Variants in ARHGAP5 observed in about 807,000 individuals in gnomAD.
ARHGAP5 encodes rho GTPase-activating protein 5.
Under a neutral mutation model 116.6 loss-of-function variants are expected in ARHGAP5, and 23 were observed. The observed-to-expected ratio is 0.20, with a 90% CI of 0.14 to 0.28. The LOEUF is 0.28. Ranked by LOEUF, ARHGAP5 falls within the 10% of genes least tolerant of loss-of-function variation. The probability of loss-of-function intolerance (pLI) is 1.00; values close to 1 mark genes in which losing one functional copy is unlikely to be tolerated. For synonymous variants in ARHGAP5, 574 were observed against 602.0 expected (o/e 0.95, Z 0.68); for missense variants, 1,405 against 1,774.8 (o/e 0.79, Z 3.74).
rs1311100397 is a variant in ARHGAP5 at position 32,094,038 on chromosome 14, C to T, written c.3369C>T (p.Asn1123=). The T allele has an allele frequency of 1.2e-6, 2 of 1,613,270 alleles. No homozygotes were observed. The change falls in exon 2 of 7, where the codon AAC becomes AAT. Residue 1123 remains asparagine (N), a synonymous_variant. Coordinates refer to ENST00000345122, the MANE Select transcript of ARHGAP5 (RefSeq NM_001030055.2). ...DDSQNRIKIR[N]SFVNNTQGDE... ...GTCAAAATCGTATTAAAATTCGAAACTCATTTGTAAATAACACCCAAGGAG... is the reference window on the plus strand; with the variant it reads ...GTCAAAATCGTATTAAAATTCGAAATTCATTTGTAAATAACACCCAAGGAG...
At chr14:32,108,898 G>T (rs1041828485) in intron 2 of ARHGAP5, among the ~76,000 whole-genome samples, 5 of 152,044 alleles carry the variant, frequency 3.3e-5, no homozygotes, top group Admixed American at 1.3e-4. Context: ...TCAACATTCA[G>T]TGCTTATTCT....
Position 32,133,960 on chromosome 14 carries a change from T to G in ARHGAP5, c.3866-12303T>G, listed in dbSNP as rs574839729. ...CAATAGAAAAAGAGGGAATCCTCCC[T>G]AACTCATTTTATGAGGCCAGCTTCA... On this transcript the variant is annotated intron_variant, in intron 3 of 6. Coordinates refer to ENST00000345122, the MANE Select transcript of ARHGAP5 (RefSeq NM_001030055.2). Among the ~76,000 whole-genome samples the G allele has an allele frequency of 5.3e-5, 8 of 152,282 alleles. No homozygotes were observed. In the South Asian group the frequency reaches 1.7e-3, roughly 32 times the overall value.
intron 6 of ARHGAP5, chr14:32,154,114 C>T (rs1361923478): frequency 6.5e-6 from 1 of 154,586 alleles, no homozygotes; most frequent in Non-Finnish European, 1.4e-5. Context: ...AAACTCAATA[C>T]AATTTGTCAC....
intron 2 of ARHGAP5, among the ~76,000 whole-genome samples, chr14:32,104,277 A>G (rs1878911782): frequency 6.6e-6 from 1 of 152,194 alleles, no homozygotes; most frequent in South Asian, 2.1e-4. Flanking sequence ...TGTTAATGGC[A>G]TTAATAAAAT....
chr14:32,114,115 C>T (rs1156592767), intron 2 of ARHGAP5, among the ~76,000 whole-genome samples: 1 of 152,062 alleles, frequency 6.6e-6, no homozygotes, highest in Non-Finnish European at 1.5e-5. Context: ...GTAGTCCCAG[C>T]TACTCGGGAG....
intron 3 of ARHGAP5, among the ~76,000 whole-genome samples, chr14:32,135,457 C>T (rs1566679644): frequency 6.6e-6 from 1 of 152,216 alleles, no homozygotes; most frequent in Non-Finnish European, 1.5e-5. Context: ...GAGTCTCCCT[C>T]TGTTGCCCAG....
chr14:32,123,657 ATGT>A (rs1880002064), intron 3 of ARHGAP5, among the ~76,000 whole-genome samples: 1 of 151,890 alleles, frequency 6.6e-6, no homozygotes, highest in African/African-American at 2.4e-5. Context: ...TTATTGGATG[ATGT>A]TATTAGTGTT....
chr14:32,154,481 G>T, intron 6 of ARHGAP5, 140 bp from the exon 7 acceptor site: 1 of 763,578 alleles, frequency 1.3e-6, no homozygotes, highest in Non-Finnish European at 2.1e-6. Flanking sequence ...AATTAAAGAT[G>T]CTTCTTTATG....
intron 3 of ARHGAP5, 52 bp from the exon 4 acceptor site, chr14:32,146,211 G>T (rs370467477): frequency 3.7e-5 from 50 of 1,341,066 alleles, no homozygotes; most frequent in Non-Finnish European, 4.8e-5. Flanking sequence ...GTGCCCAGCC[G>T]TGTGGATATA....
intron 2 of ARHGAP5, among the ~76,000 whole-genome samples, chr14:32,095,794 C>T (rs551611278): frequency 6.6e-6 from 1 of 152,340 alleles, no homozygotes; most frequent in Non-Finnish European, 1.5e-5. Flanking sequence ...CATCTCTTCA[C>T]ACTTAACCTG....
intron 3 of ARHGAP5, among the ~76,000 whole-genome samples, chr14:32,123,980 A>T (rs558063951): frequency 6.6e-6 from 1 of 152,268 alleles, no homozygotes; most frequent in East Asian, 1.9e-4. Context: ...TATGTGCAGT[A>T]TTCAACCAAA....
Position 32,157,593 on chromosome 14 carries a change from T to C in ARHGAP5, c.*2645T>C, listed in dbSNP as rs1881947756. The stretch of plus-strand genomic sequence containing the variant: ...TGTTTCACACTTTCAGTAGATTTAT[T>C]AGAAGTCAAATTCTATTCAACAGAC... On this transcript the variant is annotated 3_prime_UTR_variant, in exon 7 of 7. Coordinates refer to ENST00000345122, the MANE Select transcript of ARHGAP5 (RefSeq NM_001030055.2). 1 of 152,224 alleles carries C rather than the reference T, an allele frequency of 6.6e-6. No homozygotes were observed. The highest frequency in any genetic ancestry group is 2.1e-4 in the South Asian group (1 of 4,830). The allele number at this position is 152,224 out of a possible 1,614,324, so 9.4% of individuals were successfully genotyped here.
At chr14:32,101,674 G>A (rs1357645912) in intron 2 of ARHGAP5, among the ~76,000 whole-genome samples, 1 of 151,526 alleles carries the variant, frequency 6.6e-6, no homozygotes, top group Non-Finnish European at 1.5e-5. Context: ...AAAACTGGGT[G>A]TAAAAAGCTT....
At chr14:32,099,376 A>G (rs892664036) in intron 2 of ARHGAP5, among the ~76,000 whole-genome samples, 27 of 152,176 alleles carry the variant, frequency 1.8e-4, no homozygotes, top group Non-Finnish European at 3.4e-4. Flanking sequence ...AATAGATGAA[A>G]TCTCCTAGGG....
At chr14:32,116,801 A>G (rs1879624258) in intron 2 of ARHGAP5, among the ~76,000 whole-genome samples, 1 of 152,194 alleles carries the variant, frequency 6.6e-6, no homozygotes, top group Admixed American at 6.5e-5. Context: ...TGAAATTAAT[A>G]TATCACACCT....
chr14:32,125,799 C>A (rs1880122889), intron 3 of ARHGAP5, among the ~76,000 whole-genome samples: 1 of 152,054 alleles, frequency 6.6e-6, no homozygotes, highest in African/African-American at 2.4e-5. Flanking sequence ...TCTTTAATTT[C>A]TTTCAGTACC....
chr14:32,110,101 A>G (rs1331112819), intron 2 of ARHGAP5, among the ~76,000 whole-genome samples: 3 of 151,978 alleles, frequency 2.0e-5, no homozygotes, highest in African/African-American at 7.3e-5. Flanking sequence ...TTTCTGGACC[A>G]TTTGTACTAA....
At chr14:32,143,304 G>A (rs1327990830) in intron 3 of ARHGAP5, among the ~76,000 whole-genome samples, 1 of 151,978 alleles carries the variant, frequency 6.6e-6, no homozygotes, top group Non-Finnish European at 1.5e-5. Flanking sequence ...GTGCAGTGGT[G>A]TGATCTCGGC....
At chr14:32,146,184 T>C in intron 3 of ARHGAP5, 79 bp from the exon 4 acceptor site, 1 of 1,095,986 alleles carries the variant, frequency 9.1e-7, no homozygotes, top group Non-Finnish European at 1.4e-6. Flanking sequence ...GTGCTGGGAT[T>C]ACAAACATGA....
Sources: gnomAD v4.1 joint callset for allele counts (sites outside exome capture counted in the v4.1 genomes callset) on GRCh38, gnomAD v4.1.1 for gene constraint, MANE v1.5 for transcripts, NCBI Gene and HGNC (gene_info 2026-07-23, HGNC 2026-07-21) for gene names.